RALGPS1: variants seen among roughly 807,000 people sequenced by gnomAD.
RALGPS1 encodes ras-specific guanine nucleotide-releasing factor RalGPS1.
Under a neutral mutation model 78.8 loss-of-function variants are expected in RALGPS1, and 19 were observed. The observed-to-expected ratio is 0.24, with a 90% CI of 0.17 to 0.35. RALGPS1 has a LOEUF of 0.35. Ranked by LOEUF, RALGPS1 falls within the 10% of genes least tolerant of loss-of-function variation. The probability of loss-of-function intolerance (pLI) is 1.00; values close to 1 mark genes in which losing one functional copy is unlikely to be tolerated. For synonymous variants in RALGPS1, 228 were observed against 256.3 expected, an observed-to-expected ratio of 0.89 and a Z score of 1.06; for missense variants, 454 against 688.3, an observed-to-expected ratio of 0.66 and a Z score of 3.81.
At chr9:126,990,143 G>T (rs2042157764) in intron 4 of RALGPS1, 15 of 931,280 alleles carry the variant, frequency 1.6e-5, no homozygotes, top group Non-Finnish European at 6.3e-6. Flanking sequence ...CCTCGGAGAG[G>T]GAAGAATGTG....
chr9:127,186,750 G>A (rs2060674649), intron 11 of RALGPS1, among the ~76,000 whole-genome samples: 1 of 152,244 alleles, frequency 6.6e-6, no homozygotes, highest in Non-Finnish European at 1.5e-5. Flanking sequence ...GCCCAGGGAG[G>A]CTGCAGGCTT....
intron 8 of RALGPS1, among the ~76,000 whole-genome samples, chr9:127,148,724 C>T (rs2058245923): frequency 6.6e-6 from 1 of 152,170 alleles, no homozygotes; most frequent in South Asian, 2.1e-4. Flanking sequence ...TGGAGAATCC[C>T]CTTCCCCAAA....
At chr9:127,131,589 C>A (rs2057008743) in intron 8 of RALGPS1, among the ~76,000 whole-genome samples, 3 of 152,214 alleles carry the variant, frequency 2.0e-5, no homozygotes, top group African/African-American at 7.2e-5. Context: ...TACATCTACG[C>A]AGCCAGTAAG....
chr9:127,198,599 G>A (rs1366981255), intron 13 of RALGPS1, among the ~76,000 whole-genome samples: 5 of 152,158 alleles, frequency 3.3e-5, no homozygotes, highest in Non-Finnish European at 7.4e-5. Context: ...TGTGACCAAC[G>A]TCTAGTCAAG....
intron 1 of RALGPS1, among the ~76,000 whole-genome samples, chr9:126,946,187 C>T (rs2037247755): frequency 6.6e-6 from 1 of 152,052 alleles, no homozygotes; most frequent in African/African-American, 2.4e-5. Flanking sequence ...GACAGTACCC[C>T]TTCTAGTTCC....
chr9:127,082,746 G>T (rs920093553), intron 8 of RALGPS1, among the ~76,000 whole-genome samples: 4 of 152,118 alleles, frequency 2.6e-5, no homozygotes, highest in Non-Finnish European at 4.4e-5. Flanking sequence ...AATCCACCTC[G>T]TAGAGTTGTT....
At chr9:126,972,130 G>A (rs2040177971) in intron 3 of RALGPS1, among the ~76,000 whole-genome samples, 1 of 152,176 alleles carries the variant, frequency 6.6e-6, no homozygotes. Flanking sequence ...TACCCAGTGA[G>A]GAAGCTGTCA....
chr9:127,174,848 C>A, intron 11 of RALGPS1, 66 bp downstream of exon 11: 1 of 1,495,592 alleles, frequency 6.7e-7, no homozygotes, highest in Non-Finnish European at 9.3e-7. Context: ...CCAGAGTTGG[C>A]CTTGACCGGG....
intron 8 of RALGPS1, among the ~76,000 whole-genome samples, chr9:127,102,379 A>AT (rs1457364291): frequency 1.3e-5 from 2 of 152,012 alleles, no homozygotes; most frequent in Non-Finnish European, 1.5e-5. Context: ...GCATCTCAGG[A>AT]TTAATACTAT....
At chr9:127,093,383 G>C (rs2052716062) in intron 8 of RALGPS1, among the ~76,000 whole-genome samples, 1 of 152,122 alleles carries the variant, frequency 6.6e-6, no homozygotes, top group Non-Finnish European at 1.5e-5. Context: ...TTTCCCCATG[G>C]AAACCCCACT....
chr9:126,927,081 T>C lies in RALGPS1; in HGVS notation c.-66+12106T>C, dbSNP rs532673643. ...GAGAGAGAGATCTAGGCTGGAACAGTGGTTCTCACACTCTAGAGCATCAGA... is the reference window on the plus strand; with the variant it reads ...GAGAGAGAGATCTAGGCTGGAACAGCGGTTCTCACACTCTAGAGCATCAGA... On this transcript the variant is annotated intron_variant, in intron 1 of 18. Coordinates refer to ENST00000259351, the MANE Select transcript of RALGPS1 (RefSeq NM_014636.3). 2.0e-5 allele frequency among the ~76,000 whole-genome samples: 3 copies of C among 152,194 alleles called. No individual in the cohort carries two copies. In the East Asian group the frequency reaches 5.8e-4, roughly 29 times the overall value.
intron 1 of RALGPS1, among the ~76,000 whole-genome samples, chr9:126,916,682 T>C (rs959275642): frequency 2.0e-5 from 3 of 152,168 alleles, no homozygotes; most frequent in South Asian, 2.1e-4. Context: ...CTCAGGAGGC[T>C]GAGGCCGAGA....
intron 4 of RALGPS1, among the ~76,000 whole-genome samples, chr9:127,034,155 C>G (rs1554798528): frequency 6.6e-6 from 1 of 152,210 alleles, no homozygotes; most frequent in Non-Finnish European, 1.5e-5. Flanking sequence ...CTTAGAGAAG[C>G]TGGCAGAGTG....
intron 13 of RALGPS1, among the ~76,000 whole-genome samples, 188 bp downstream of exon 13, chr9:127,196,819 C>T (rs2061372796): frequency 6.6e-6 from 1 of 152,250 alleles, no homozygotes; most frequent in Non-Finnish European, 1.5e-5. Flanking sequence ...CCCTTGTCTC[C>T]TAGCCTCGTG....
chr9:127,071,051 A>G (rs2050157923), intron 8 of RALGPS1, among the ~76,000 whole-genome samples: 1 of 150,164 alleles, frequency 6.7e-6, no homozygotes, highest in Non-Finnish European at 1.5e-5. Flanking sequence ...ATATATATAT[A>G]CACTAAATAC....
At chr9:127,137,763 G>A (rs1361761490) in intron 8 of RALGPS1, among the ~76,000 whole-genome samples, 1 of 152,240 alleles carries the variant, frequency 6.6e-6, no homozygotes, top group Non-Finnish European at 1.5e-5. Flanking sequence ...CAGATCAGGT[G>A]TGGGCTCTGA....
At chr9:127,024,837 C>T (rs1310465881) in intron 4 of RALGPS1, among the ~76,000 whole-genome samples, 1 of 152,170 alleles carries the variant, frequency 6.6e-6, no homozygotes, top group African/African-American at 2.4e-5. Context: ...AGTTGTTTTC[C>T]AGTCTTTTGC....
At chr9:127,102,153 G>A (rs945460828) in intron 8 of RALGPS1, among the ~76,000 whole-genome samples, 3 of 152,130 alleles carry the variant, frequency 2.0e-5, no homozygotes, top group Non-Finnish European at 4.4e-5. Context: ...ACCACTGGAA[G>A]TATATACTTC....
At chr9:127,141,649 GA>G (rs2057790248) in intron 8 of RALGPS1, among the ~76,000 whole-genome samples, 1 of 112,784 alleles carries the variant, frequency 8.9e-6, no homozygotes, top group African/African-American at 3.3e-5. Flanking sequence ...AAGAAAGAAA[GA>G]AACTGTCCTT....
Sources: allele counts gnomAD v4.1 joint callset (sites outside exome capture counted in the v4.1 genomes callset), GRCh38; gene constraint gnomAD v4.1.1; transcripts MANE v1.5; gene names NCBI Gene and HGNC (gene_info 2026-07-23, HGNC 2026-07-21).